THSD7A: variants seen among roughly 807,000 people sequenced by gnomAD.
The protein encoded by THSD7A is thrombospondin type 1 domain containing 7A, also known as thrombospondin type-1 domain-containing protein 7A.
THSD7A carries 96 observed loss-of-function variants against 231.3 expected under a neutral mutation model. The ratio of observed to expected loss-of-function variants is 0.41; its 90% CI spans 0.35 to 0.49. The LOEUF (loss-of-function observed/expected upper bound fraction) is 0.49. Ranked by LOEUF, THSD7A falls within the 20% of genes least tolerant of loss-of-function variation. THSD7A has a pLI of 0.05. For missense variants in THSD7A, 2,290 were observed against 2,070.2 expected (o/e 1.11, Z -2.06); for synonymous variants, 940 against 743.3 (o/e 1.26, Z -4.30).
In THSD7A at chr7:11,558,250, C is replaced by T. The variant is rs572696498; in HGVS notation, c.1454-15133G>A. The stretch of plus-strand genomic sequence containing the variant: ...GTCTTTTTATGGTTTGTTTTCTATA[C>T]AACTTCCAGGGAATATTTTTTAATT... On this transcript the variant is annotated intron_variant, in intron 4 of 27. Transcript: ENST00000423059. 2.0e-5 allele frequency among the ~76,000 whole-genome samples: 3 copies of T among 152,262 alleles called. No individual in the cohort carries two copies. In the East Asian group the frequency reaches 5.8e-4, roughly 29 times the overall value.
chr7:11,582,114 G>GA (rs1791190948), intron 4 of THSD7A, among the ~76,000 whole-genome samples: 1 of 151,766 alleles, frequency 6.6e-6, no homozygotes, highest in Non-Finnish European at 1.5e-5. Context: ...GATAGTCCGT[G>GA]TAAAAAAATC....
intron 13 of THSD7A, among the ~76,000 whole-genome samples, chr7:11,434,696 G>A (rs1784577416): frequency 1.3e-5 from 2 of 151,838 alleles, no homozygotes; most frequent in East Asian, 1.9e-4. Flanking sequence ...TCACTTGATT[G>A]CAACTGGGAA....
chr7:11,619,295 GAAC>G (rs1781224841), intron 2 of THSD7A, among the ~76,000 whole-genome samples: 1 of 151,560 alleles, frequency 6.6e-6, no homozygotes, highest in African/African-American at 2.4e-5. Context: ...ATCTAAGCAT[GAAC>G]AACTAGGTTT....
intron 4 of THSD7A, among the ~76,000 whole-genome samples, chr7:11,572,925 C>A (rs1022728531): frequency 2.6e-5 from 4 of 152,014 alleles, no homozygotes; most frequent in Non-Finnish European, 5.9e-5. Flanking sequence ...ACTTTGTGAA[C>A]AGTATATTGT....
chr7:11,453,390 G>A (rs1267343703), intron 11 of THSD7A, among the ~76,000 whole-genome samples: 1 of 151,222 alleles, frequency 6.6e-6, no homozygotes, highest in Non-Finnish European at 1.5e-5. Context: ...CACAGGGTGA[G>A]GACTCCTAGG....
chr7:11,400,580 A>AT (rs1317660503), intron 23 of THSD7A, among the ~76,000 whole-genome samples: 1 of 152,072 alleles, frequency 6.6e-6, no homozygotes, highest in Non-Finnish European at 1.5e-5. Context: ...CTTGGGAATT[A>AT]TTTTATTTAT....
chr7:11,605,397 C>T (rs779400071), intron 2 of THSD7A, among the ~76,000 whole-genome samples: 2 of 152,004 alleles, frequency 1.3e-5, no homozygotes, highest in African/African-American at 2.4e-5. Context: ...CAGTCTAGGG[C>T]ACTGGAGTGG....
At chr7:11,623,671 C>T (rs1450090956) in intron 2 of THSD7A, among the ~76,000 whole-genome samples, 1 of 152,122 alleles carries the variant, frequency 6.6e-6, no homozygotes, top group Non-Finnish European at 1.5e-5. Context: ...TCACTCATCT[C>T]TCCCTCTTCG....
intron 6 of THSD7A, among the ~76,000 whole-genome samples, chr7:11,521,487 T>C (rs1288015691): frequency 7.9e-6 from 1 of 126,418 alleles, no homozygotes; most frequent in African/African-American, 3.3e-5. Context: ...TTTATTTATT[T>C]ATTTATTTAT....
chr7:11,500,676 A>G (rs1252945268), intron 6 of THSD7A, among the ~76,000 whole-genome samples: 1 of 152,170 alleles, frequency 6.6e-6, no homozygotes, highest in African/African-American at 2.4e-5. Context: ...GCAGTGGCTC[A>G]CATCTGTAAT....
intron 1 of THSD7A, among the ~76,000 whole-genome samples, chr7:11,655,674 C>T (rs1276984797): frequency 1.3e-5 from 2 of 151,834 alleles, no homozygotes; most frequent in Admixed American, 6.6e-5. Context: ...TACCTGACCA[C>T]CTCCATATAT....
At chr7:11,716,114 C>A (rs1487630044) in intron 1 of THSD7A, among the ~76,000 whole-genome samples, 2 of 151,498 alleles carry the variant, frequency 1.3e-5, no homozygotes, top group Non-Finnish European at 3.0e-5. Context: ...TACTACTTAC[C>A]CTTCTTTCTA....
intron 6 of THSD7A, among the ~76,000 whole-genome samples, chr7:11,509,939 TG>T (rs1787734362): frequency 6.6e-6 from 1 of 151,978 alleles, no homozygotes; most frequent in Non-Finnish European, 1.5e-5. Flanking sequence ...TGAAAAGTGT[TG>T]GAGGTAATGG....
chr7:11,445,216 A>G (rs896642057), intron 13 of THSD7A, among the ~76,000 whole-genome samples: 1 of 152,060 alleles, frequency 6.6e-6, no homozygotes, highest in African/African-American at 2.4e-5. Context: ...CAAGTAAGTA[A>G]GAGATCATCA....
chr7:11,817,375 T>C (rs564432595), intron 1 of THSD7A, among the ~76,000 whole-genome samples: 37 of 152,222 alleles, frequency 2.4e-4, no homozygotes, highest in African/African-American at 8.4e-4. Flanking sequence ...ATATGCACAA[T>C]CACAAGTAAA....
rs1284993526 is a variant in THSD7A, at chr7:11,810,781, A to G, written c.190+20976T>C. On this transcript the variant is annotated intron_variant, in intron 1 of 27. Coordinates refer to ENST00000423059, the MANE Select transcript of THSD7A (RefSeq NM_015204.3). ...TCAGCCCTAGGGTGGTTTAATTTCA[A>G]CTTTCAGAAATGTGGATGTGAGTAG... Among the ~76,000 whole-genome samples, 5 of 152,166 alleles carry G rather than the reference A, an allele frequency of 3.3e-5. No homozygotes were observed. The South Asian group carries it at 6.2e-4, about 19-fold the overall frequency.
chr7:11,688,287 T>G (rs1293372991), intron 1 of THSD7A, among the ~76,000 whole-genome samples: 1 of 151,828 alleles, frequency 6.6e-6, no homozygotes, highest in Non-Finnish European at 1.5e-5. Flanking sequence ...ATGTGCCACA[T>G]TCTAAACAGT....
chr7:11,572,315 T>C (rs1790672462), intron 4 of THSD7A, among the ~76,000 whole-genome samples: 1 of 152,224 alleles, frequency 6.6e-6, no homozygotes, highest in Admixed American at 6.5e-5. Flanking sequence ...TCCAATAATT[T>C]CTATTGACTT....
intron 10 of THSD7A, among the ~76,000 whole-genome samples, chr7:11,461,667 T>C (rs139207641): frequency 5.4e-4 from 82 of 152,310 alleles, no homozygotes; most frequent in Non-Finnish European, 1.1e-3. Flanking sequence ...TAGGCTAGTC[T>C]TCTAAGTGAA....
Sources: gnomAD v4.1 joint callset for allele counts (sites outside exome capture counted in the v4.1 genomes callset) on GRCh38, gnomAD v4.1.1 for gene constraint, MANE v1.5 for transcripts, NCBI Gene and HGNC (gene_info 2026-07-23, HGNC 2026-07-21) for gene names.